Variants in DLG2 observed in about 807,000 individuals in gnomAD.
The protein encoded by DLG2 is disks large homolog 2.
DLG2 carries 45 observed loss-of-function variants against 132.5 expected under a neutral mutation model. That is an observed-to-expected ratio of 0.34 (90% CI 0.27 to 0.44). DLG2 has a LOEUF of 0.44. DLG2 is among the 20% of genes least tolerant of loss of function. The pLI is 1.00. For synonymous variants in DLG2, 424 were observed against 419.6 expected (o/e 1.01, Z -0.13); for missense variants, 1,045 against 1,196.9 (o/e 0.87, Z 1.87).
intron 6 of DLG2, among the ~76,000 whole-genome samples, chr11:84,562,751 T>C (rs979242705): frequency 1.4e-5 from 2 of 147,464 alleles, no homozygotes; most frequent in Admixed American, 6.8e-5. Flanking sequence ...CTTTCTTTCT[T>C]TTTTTTTTTT....
chr11:85,467,680 A>T (rs1009584617), intron 3 of DLG2, among the ~76,000 whole-genome samples: 1 of 152,170 alleles, frequency 6.6e-6, no homozygotes, highest in Non-Finnish European at 1.5e-5. Context: ...ATGGTGGATA[A>T]GCTTTTTGAT....
chr11:83,578,036 T>C (rs541901377), intron 19 of DLG2, among the ~76,000 whole-genome samples: 2 of 103,510 alleles, frequency 1.9e-5, no homozygotes, highest in East Asian at 6.1e-4. Context: ...TGTCATGGGG[T>C]TTATTTTGTG....
intron 6 of DLG2, among the ~76,000 whole-genome samples, chr11:84,656,625 G>A (rs2099688628): frequency 6.6e-6 from 1 of 152,118 alleles, no homozygotes. Flanking sequence ...AATTGTGAAA[G>A]AGTATAGTTG....
chr11:84,620,930 A>G (rs1178238664), intron 6 of DLG2, among the ~76,000 whole-genome samples: 1 of 152,214 alleles, frequency 6.6e-6, no homozygotes, highest in East Asian at 1.9e-4. Flanking sequence ...AAAATTGGAC[A>G]GAATCAAAGT....
intron 9 of DLG2, among the ~76,000 whole-genome samples, chr11:84,129,719 C>A (rs908833427): frequency 6.6e-6 from 1 of 151,924 alleles, no homozygotes; most frequent in East Asian, 1.9e-4. Flanking sequence ...ATAATAGTAA[C>A]CTTAACCTAA....
intron 22 of DLG2, chr11:83,480,596 C>G: frequency 6.4e-7 from 1 of 1,555,076 alleles, no homozygotes; most frequent in South Asian, 1.2e-5. Flanking sequence ...CTCCATTTTA[C>G]AGGAACCCGC....
intron 2 of DLG2, among the ~76,000 whole-genome samples, chr11:85,624,253 G>T (rs993100966): frequency 1.3e-5 from 2 of 152,138 alleles, no homozygotes; most frequent in African/African-American, 4.8e-5. Context: ...CCTAGAAATG[G>T]GCTTAGTGAG....
chr11:84,188,641 T>C (rs2096334664), intron 8 of DLG2, among the ~76,000 whole-genome samples: 1 of 152,124 alleles, frequency 6.6e-6, no homozygotes, highest in Non-Finnish European at 1.5e-5. Flanking sequence ...ACTTATTCCT[T>C]ACAAAAACTG....
intron 6 of DLG2, among the ~76,000 whole-genome samples, chr11:84,841,030 A>G (rs2080597513): frequency 6.6e-6 from 1 of 151,718 alleles, no homozygotes; most frequent in Non-Finnish European, 1.5e-5. Flanking sequence ...TGGAAACAGT[A>G]AGTAGGGGGG....
chr11:83,959,384 T>A (rs375961951), intron 14 of DLG2, among the ~76,000 whole-genome samples: 2 of 152,124 alleles, frequency 1.3e-5, no homozygotes, highest in Non-Finnish European at 2.9e-5. Flanking sequence ...TCCAATTTGA[T>A]GTGATTTTAT....
At chr11:83,511,803 A>G (rs1055308745) in intron 21 of DLG2, among the ~76,000 whole-genome samples, 2 of 151,266 alleles carry the variant, frequency 1.3e-5, no homozygotes, top group Non-Finnish European at 1.5e-5. Context: ...GGCTCAAGCA[A>G]TTCTCTCACC....
At chr11:84,770,576 G>A (rs920365267) in intron 6 of DLG2, among the ~76,000 whole-genome samples, 8 of 151,682 alleles carry the variant, frequency 5.3e-5, no homozygotes, top group Non-Finnish European at 1.2e-4. Context: ...TTCTATTCCT[G>A]CATCAATTTG....
At chr11:83,706,947 T>C (rs920418440) in intron 18 of DLG2, among the ~76,000 whole-genome samples, 1 of 152,230 alleles carries the variant, frequency 6.6e-6, no homozygotes, top group African/African-American at 2.4e-5. Flanking sequence ...GGGGTCATGA[T>C]AACAACAAAA....
At chr11:84,900,043 T>A (rs2154069913) in intron 6 of DLG2, among the ~76,000 whole-genome samples, 2 of 152,130 alleles carry the variant, frequency 1.3e-5, no homozygotes, top group South Asian at 4.1e-4. Flanking sequence ...CTTAGATCAT[T>A]AAGAATATTT....
intron 6 of DLG2, among the ~76,000 whole-genome samples, chr11:84,797,944 T>G (rs146951604): frequency 6.6e-6 from 1 of 152,176 alleles, no homozygotes; most frequent in Non-Finnish European, 1.5e-5. Context: ...ACTATGGTGG[T>G]CTTGGATAAA....
intron 7 of DLG2, among the ~76,000 whole-genome samples, chr11:84,515,205 C>CAGTT (rs770331072): frequency 6.6e-6 from 1 of 150,512 alleles, no homozygotes; most frequent in African/African-American, 2.4e-5. Flanking sequence ...CCTTATCTAC[C>CAGTT]AGTTATTACT....
chr11:85,479,798 G>A (rs1260029011), intron 3 of DLG2, among the ~76,000 whole-genome samples: 3 of 152,156 alleles, frequency 2.0e-5, no homozygotes, highest in African/African-American at 7.2e-5. Flanking sequence ...AGAGTTGTGA[G>A]GAAAGGATCT....
At chr11:84,598,368 T>A (rs1365264918) in intron 6 of DLG2, among the ~76,000 whole-genome samples, 1 of 152,142 alleles carries the variant, frequency 6.6e-6, no homozygotes, top group African/African-American at 2.4e-5. Context: ...TTAAATCAGA[T>A]TCTTTGAGGG....
chr11:85,551,850 T>C (rs1341012591), intron 3 of DLG2, among the ~76,000 whole-genome samples: 1 of 151,404 alleles, frequency 6.6e-6, no homozygotes, highest in African/African-American at 2.4e-5. Context: ...TAAGTACATA[T>C]CAAAACTAAA....
Sources: allele counts gnomAD v4.1 joint callset (sites outside exome capture counted in the v4.1 genomes callset), GRCh38; gene constraint gnomAD v4.1.1; transcripts MANE v1.5; gene names NCBI Gene and HGNC (gene_info 2026-07-23, HGNC 2026-07-21).